The following SERPINI2 variants were observed in gnomAD, a reference collection of about 807,000 sequenced individuals.
SERPINI2 encodes serpin I2.
SERPINI2 carries 48 observed loss-of-function variants against 47.3 expected under a neutral mutation model. That is an observed-to-expected ratio of 1.02 (90% CI 0.81 to 1.29). SERPINI2 has a LOEUF of 1.29. SERPINI2 is among the 50% of genes most tolerant of loss of function. SERPINI2 has a pLI of 0.00. For missense variants in SERPINI2, 448 were observed against 456.9 expected (o/e 0.98, Z 0.18); for synonymous variants, 135 against 149.3 (o/e 0.90, Z 0.70).
chr3:167,454,298 G>A (rs187402825), intron 5 of SERPINI2, among the ~76,000 whole-genome samples: 16 of 152,300 alleles, frequency 1.1e-4, no homozygotes, highest in African/African-American at 3.6e-4. Flanking sequence ...TTATTTCTTG[G>A]TAAAACAATA....
chr3:167,455,841 C>T (rs55925744), intron 5 of SERPINI2, among the ~76,000 whole-genome samples: 137 of 152,168 alleles, frequency 9.0e-4, no homozygotes, highest in African/African-American at 2.9e-3. Flanking sequence ...GGGCTACACA[C>T]TTTTGAACAA....
upstream of SERPINI2, chr3:167,474,229 C>T (rs1750427527): frequency 2.1e-5 from 13 of 608,054 alleles, no homozygotes; most frequent in Non-Finnish European, 2.7e-5. Flanking sequence ...GAGAAAAAAA[C>T]AATTATAGAA....
intron 5 of SERPINI2, among the ~76,000 whole-genome samples, chr3:167,460,659 T>C (rs142452168): frequency 7.7e-4 from 117 of 152,328 alleles, no homozygotes; most frequent in Non-Finnish European, 2.6e-4. Flanking sequence ...AGAGAAGTTT[T>C]GAAGTAAATG....
chr3:167,449,441 T>A lies in SERPINI2; in HGVS notation c.965-39A>T, dbSNP rs1222998273. On this transcript the variant is annotated intron_variant, in intron 6 of 8. Coordinates refer to ENST00000264677, the Ensembl canonical transcript of SERPINI2. ...AATACACAAAAGTGTATTTAAGAGT[T>A]AAAATCAAAAGCCGTTACCTATTAG... The A allele has an allele frequency of 4.6e-6, 6 of 1,314,046 alleles. No individual in the cohort carries two copies. In the African/African-American group the frequency reaches 5.9e-5, roughly 13 times the overall value. The allele number at this position is 1,314,046 out of a possible 1,614,324, so 81.4% of individuals were successfully genotyped here.
intron 2 of SERPINI2, among the ~76,000 whole-genome samples, chr3:167,471,012 C>T (rs1560237370): frequency 6.6e-6 from 1 of 152,006 alleles, no homozygotes; most frequent in Non-Finnish European, 1.5e-5. Flanking sequence ...AAACTAGTAA[C>T]AAATAAGCTT....
intron 5 of SERPINI2, among the ~76,000 whole-genome samples, chr3:167,457,277 A>G (rs1749820229): frequency 6.6e-6 from 1 of 152,234 alleles, no homozygotes; most frequent in Admixed American, 6.5e-5. Flanking sequence ...ATAAACTTGC[A>G]AATAATTTCA....
upstream of SERPINI2, among the ~76,000 whole-genome samples, chr3:167,474,753 T>TA (rs752165446): frequency 6.6e-6 from 1 of 151,694 alleles, no homozygotes; most frequent in African/African-American, 2.4e-5. Flanking sequence ...AGGTCATTAA[T>TA]AAAAAATTGC....
intron 8 of SERPINI2, among the ~76,000 whole-genome samples, chr3:167,443,317 T>A (rs1045304780): frequency 6.6e-6 from 1 of 152,118 alleles, no homozygotes; most frequent in African/African-American, 2.4e-5. Context: ...CCGTATTAGC[T>A]GGGATGGTCT....
At chr3:167,463,130 T>C (rs567484276) in intron 5 of SERPINI2, among the ~76,000 whole-genome samples, 38 of 151,922 alleles carry the variant, frequency 2.5e-4, no homozygotes, top group African/African-American at 8.7e-4. Flanking sequence ...GTTTTCAAAC[T>C]CAGTAATTTT....
chr3:167,462,017 A>T lies in SERPINI2; in HGVS notation c.866+3189T>A, dbSNP rs532832224. On this transcript the variant is annotated intron_variant, in intron 5 of 8. Coordinates refer to ENST00000264677, the Ensembl canonical transcript of SERPINI2. ...ACTGGGAAATGTTGGAGGACTCTGA[A>T]TGCTGAATAGGAGGGAGGTGTAAAG... 2.6e-5 allele frequency among the ~76,000 whole-genome samples: 4 copies of T among 152,264 alleles called. No individual in the cohort carries two copies. In the East Asian group the frequency reaches 7.7e-4, roughly 29 times the overall value.
At position 167,450,359 on chromosome 3, in the gene SERPINI2, C is replaced by T. The variant is rs532338274; in HGVS notation, c.965-957G>A. On this transcript the variant is annotated intron_variant, in intron 6 of 8. Transcript: ENST00000264677. Reference sequence around the variant, plus strand: ...TGGTGGAACTGATGTATATGTGAAGCGTTTCTGGTAGAGTGAATTGCAAGT... The same window carrying T: ...TGGTGGAACTGATGTATATGTGAAGTGTTTCTGGTAGAGTGAATTGCAAGT... 3.3e-4 allele frequency among the ~76,000 whole-genome samples: 50 copies of T among 152,172 alleles called. 1 individual carries two copies. In the South Asian group the frequency reaches 5.6e-3, roughly 17 times the overall value.
intron 5 of SERPINI2, among the ~76,000 whole-genome samples, chr3:167,459,106 G>C (rs945274184): frequency 2.1e-5 from 3 of 144,114 alleles, no homozygotes; most frequent in African/African-American, 8.1e-5. Context: ...ACGGAGTCTC[G>C]CTCTGTCGCC....
intron 5 of SERPINI2, among the ~76,000 whole-genome samples, chr3:167,462,626 T>C (rs1750016537): frequency 6.6e-6 from 1 of 152,198 alleles, no homozygotes; most frequent in African/African-American, 2.4e-5. Context: ...AACTTCACCA[T>C]ATGAATTTGG....
intron 3 of SERPINI2, 111 bp from the exon 4 acceptor site, chr3:167,465,784 G>T: frequency 1.2e-6 from 1 of 811,926 alleles, no homozygotes; most frequent in South Asian, 2.0e-5. Context: ...GTTTTGGATA[G>T]GGCATGTTAT....
At chr3:167,442,071 T>G (rs1749343965) in exon 9 of SERPINI2, 63 of 1,506,124 alleles carry the variant, frequency 4.2e-5, no homozygotes, top group Middle Eastern at 1.7e-4. Flanking sequence ...CAGCTATTTT[T>G]GAGAAATCAT....
At position 167,459,759 on chromosome 3, in the gene SERPINI2, G is replaced by C. The variant is rs564100735; in HGVS notation, c.866+5447C>G. ...AACAATATAGAATTTATTACAGTTG[G>C]TGTTATGGGTTGAATTGTGCATACC... On this transcript the variant is annotated intron_variant, in intron 5 of 8. Transcript: ENST00000264677. Among the ~76,000 whole-genome samples, 6 of 151,342 alleles carry C rather than the reference G, an allele frequency of 4.0e-5. No individual in the cohort carries two copies. In the East Asian group the frequency reaches 1.2e-3, roughly 30 times the overall value.
At chr3:167,446,481 C>T (rs1303012392) in exon 8 of SERPINI2, 1 of 1,571,124 alleles carries the variant, frequency 6.4e-7, no homozygotes, top group Non-Finnish European at 8.7e-7. Context: ...GATGTGTATG[C>T]CTATAAAATA....
upstream of SERPINI2, among the ~76,000 whole-genome samples, chr3:167,474,354 T>G (rs1750432024): frequency 6.6e-6 from 1 of 151,806 alleles, no homozygotes; most frequent in Non-Finnish European, 1.5e-5. Flanking sequence ...AGTAATTAGT[T>G]CTTTTTGTTT....
chr3:167,470,782 G>A (rs1294871042), intron 2 of SERPINI2, among the ~76,000 whole-genome samples: 1 of 151,700 alleles, frequency 6.6e-6, no homozygotes, highest in Non-Finnish European at 1.5e-5. Context: ...TGATCCACCT[G>A]CCTCAGCCTC....
Sources: allele counts gnomAD v4.1 joint callset (sites outside exome capture counted in the v4.1 genomes callset), GRCh38; gene constraint gnomAD v4.1.1; transcripts MANE v1.5; gene names NCBI Gene and HGNC (gene_info 2026-07-23, HGNC 2026-07-21).